Variants in WDR7 observed in about 807,000 individuals in gnomAD.
WDR7 encodes WD repeat-containing protein 7.
In WDR7, 46 loss-of-function variants were observed where a neutral mutation model predicts 169.4. The observed-to-expected ratio is 0.27, with a 90% CI of 0.21 to 0.35. The LOEUF is 0.35. Ranked by LOEUF, WDR7 falls within the 10% of genes least tolerant of loss-of-function variation. The pLI is 1.00. For missense variants in WDR7, 1,534 were observed against 1,859.3 expected (o/e 0.83, Z 3.22); for synonymous variants, 612 against 666.8 (o/e 0.92, Z 1.27).
chr18:56,967,615 G>A (rs1050067265), intron 26 of WDR7, among the ~76,000 whole-genome samples: 1 of 151,294 alleles, frequency 6.6e-6, no homozygotes, highest in Non-Finnish European at 1.5e-5. Flanking sequence ...AATCCTTTTT[G>A]AATGCATTCT....
chr18:56,740,314 T>G (rs111289245), intron 14 of WDR7, among the ~76,000 whole-genome samples: 86 of 152,264 alleles, frequency 5.6e-4, no homozygotes, highest in African/African-American at 1.9e-3. Context: ...TTTCCATCAT[T>G]TTCTATATTT....
At chr18:56,663,112 C>T (rs1433274017) in intron 1 of WDR7, among the ~76,000 whole-genome samples, 1 of 152,210 alleles carries the variant, frequency 6.6e-6, no homozygotes, top group African/African-American at 2.4e-5. Flanking sequence ...TTTTGTGTCT[C>T]TTACCCTTCT....
At chr18:56,945,630 T>C (rs145735088) in intron 25 of WDR7, among the ~76,000 whole-genome samples, 217 of 152,234 alleles carry the variant, frequency 1.4e-3, no homozygotes, top group African/African-American at 5.0e-3. Flanking sequence ...GAGTACTTGC[T>C]CCCTGTCAGG....
At chr18:56,878,668 TTAGAA>T (rs753476003) in intron 20 of WDR7, among the ~76,000 whole-genome samples, 11 of 152,178 alleles carry the variant, frequency 7.2e-5, no homozygotes, top group Admixed American at 3.3e-4. Context: ...CAATCTAATT[TTAGAA>T]CATTTTCATT....
At chr18:56,890,023 T>C (rs2046244076) in intron 21 of WDR7, among the ~76,000 whole-genome samples, 1 of 152,200 alleles carries the variant, frequency 6.6e-6, no homozygotes, top group Non-Finnish European at 1.5e-5. Context: ...TTTGTGGTTT[T>C]TGTTTTTGTT....
intron 26 of WDR7, among the ~76,000 whole-genome samples, chr18:56,971,218 G>T (rs761560897): frequency 2.0e-5 from 3 of 151,106 alleles, no homozygotes; most frequent in Non-Finnish European, 4.4e-5. Context: ...GTTGCAGTTT[G>T]CAGTGAGCCG....
At chr18:56,677,247 G>A (rs529898167) in intron 2 of WDR7, among the ~76,000 whole-genome samples, 7 of 152,196 alleles carry the variant, frequency 4.6e-5, no homozygotes, top group African/African-American at 1.7e-4. Flanking sequence ...ATTTTTGCTG[G>A]ATTTACTATT....
At chr18:56,899,138 C>T (rs533967945) in intron 21 of WDR7, among the ~76,000 whole-genome samples, 3 of 151,980 alleles carry the variant, frequency 2.0e-5, no homozygotes, top group South Asian at 2.1e-4. Flanking sequence ...TTCCAGTTTT[C>T]GAGGGTGCTA....
At chr18:56,997,857 T>C (rs2047920087) in intron 26 of WDR7, among the ~76,000 whole-genome samples, 1 of 152,212 alleles carries the variant, frequency 6.6e-6, no homozygotes, top group African/African-American at 2.4e-5. Flanking sequence ...CTTTCTCCTT[T>C]GCAGTTTTTT....
At chr18:56,729,275 T>A (rs1387237196) in intron 13 of WDR7, among the ~76,000 whole-genome samples, 2 of 152,142 alleles carry the variant, frequency 1.3e-5, no homozygotes, top group African/African-American at 4.8e-5. Context: ...TAACTTTAAT[T>A]TACTTAAAAT....
chr18:56,826,699 T>C (rs2045210385), intron 20 of WDR7, among the ~76,000 whole-genome samples: 1 of 152,174 alleles, frequency 6.6e-6, no homozygotes, highest in Non-Finnish European at 1.5e-5. Flanking sequence ...TAACTATTTA[T>C]CCTAAATAAA....
rs1360697691 is a variant in WDR7, at chr18:56,757,365, T to C, written c.2759+13T>C. 6.5e-7 allele frequency: 1 copy of C among 1,536,468 alleles called. No individual in the cohort carries two copies. Among genetic ancestry groups the C allele is most frequent in the Non-Finnish European group, 8.8e-7 (1 of 1,141,876 alleles). On this transcript the variant is annotated intron_variant, in intron 15 of 27. Coordinates refer to ENST00000254442, the MANE Select transcript of WDR7 (RefSeq NM_015285.3). ...AGGGTCCTACCAGGTGTGACCATGATAGTTTGATTTTATTCTTAAGTTTCA... is the reference window on the plus strand; with the variant it reads ...AGGGTCCTACCAGGTGTGACCATGACAGTTTGATTTTATTCTTAAGTTTCA...
chr18:56,781,547 G>A lies in WDR7; in HGVS notation c.3081G>A (p.Ala1027=), dbSNP rs2302845. The A allele has an allele frequency of 0.63, 1,011,771 of 1,606,230 alleles. 322,716 individuals are homozygous for A. Among genetic ancestry groups the A allele is most frequent in the Admixed American group, 0.72 (42,576 of 59,160 alleles). ...TGTGGTCTTAGGTGAGAGAAGCCGC[G>A]CAGGCCCTGCTTCTGGCGGAACTGA... ...QDRCLEVREA[A]QALLLAELRR... The change falls in exon 19 of 28, where the codon GCG becomes GCA. Residue 1027 remains alanine, a synonymous_variant. Transcript: ENST00000254442.
intron 21 of WDR7, among the ~76,000 whole-genome samples, chr18:56,907,635 C>T (rs182739693): frequency 3.3e-5 from 5 of 152,144 alleles, no homozygotes; most frequent in East Asian, 1.9e-4. Context: ...ACTTTAGGCT[C>T]GGTAATTTAT....
At chr18:56,807,945 A>G (rs1290589587) in intron 19 of WDR7, among the ~76,000 whole-genome samples, 1 of 152,190 alleles carries the variant, frequency 6.6e-6, no homozygotes, top group African/African-American at 2.4e-5. Flanking sequence ...TGTTAATTTC[A>G]TATTTTTGAT....
At chr18:56,985,448 T>C (rs1479398341) in intron 26 of WDR7, among the ~76,000 whole-genome samples, 1 of 152,208 alleles carries the variant, frequency 6.6e-6, no homozygotes, top group Non-Finnish European at 1.5e-5. Flanking sequence ...ATATTTGTTA[T>C]AGTGAATGGG....
chr18:56,921,728 C>T (rs184312688), intron 21 of WDR7, among the ~76,000 whole-genome samples: 239 of 152,230 alleles, frequency 1.6e-3, no homozygotes, highest in Non-Finnish European at 3.0e-3. Context: ...GATCAGTTCC[C>T]CTGTGCTGTC....
intron 25 of WDR7, among the ~76,000 whole-genome samples, chr18:56,942,880 G>T (rs2047052524): frequency 6.6e-6 from 1 of 152,192 alleles, no homozygotes; most frequent in South Asian, 2.1e-4. Flanking sequence ...AAGTTATTAA[G>T]TTATGTAGAT....
intron 1 of WDR7, among the ~76,000 whole-genome samples, chr18:56,658,304 A>G (rs924584293): frequency 3.3e-5 from 5 of 152,054 alleles, no homozygotes; most frequent in African/African-American, 1.2e-4. Context: ...GGGTTTCACC[A>G]TGTTGGCCTG....
Sources: allele counts gnomAD v4.1 joint callset (sites outside exome capture counted in the v4.1 genomes callset), GRCh38; gene constraint gnomAD v4.1.1; transcripts MANE v1.5; gene names NCBI Gene and HGNC (gene_info 2026-07-23, HGNC 2026-07-21).